The following PCDH9 variants were observed in gnomAD, a reference collection of about 807,000 sequenced individuals.
PCDH9 encodes protocadherin 9.
Under a neutral mutation model 70.6 loss-of-function variants are expected in PCDH9, and 24 were observed. The observed-to-expected ratio is 0.34, with a 90% CI of 0.25 to 0.48. PCDH9 has a LOEUF of 0.48. Among genes scored for constraint, PCDH9 ranks in the 20% least tolerant of loss-of-function variants. PCDH9 has a pLI of 0.99. For synonymous variants in PCDH9, 562 were observed against 558.5 expected (o/e 1.01, Z -0.09); for missense variants, 1,281 against 1,503.6 (o/e 0.85, Z 2.45).
intron 2 of PCDH9, among the ~76,000 whole-genome samples, chr13:67,061,483 G>A (rs1034072175): frequency 1.3e-5 from 2 of 151,930 alleles, no homozygotes; most frequent in Admixed American, 6.6e-5. Context: ...TAGAAGCTAT[G>A]GTTTGAAAAC....
Position 66,351,229 on chromosome 13 carries a change from C to T in PCDH9, c.3341-46201G>A, listed in dbSNP as rs1956286882. ...TCCAAGTTTTGGCAGATGAGCCCAG[C>T]CTGGCTAGGTGTATCTTGGGCAAGT... is the stretch of plus-strand genomic sequence containing the variant. On this transcript the variant is annotated intron_variant, in intron 4 of 4. Coordinates refer to ENST00000377865, the MANE Select transcript of PCDH9 (RefSeq NM_203487.3). Among the ~76,000 whole-genome samples, 5 of 152,024 alleles carry T rather than the reference C, an allele frequency of 3.3e-5. No homozygotes were observed. In the East Asian group the frequency reaches 7.7e-4, roughly 24 times the overall value.
intron 3 of PCDH9, among the ~76,000 whole-genome samples, chr13:66,704,054 T>G (rs1385932442): frequency 6.6e-6 from 1 of 152,228 alleles, no homozygotes; most frequent in Non-Finnish European, 1.5e-5. Context: ...TTACCAATAC[T>G]AAAAGTGCTT....
chr13:66,483,936 C>G (rs1442135228), intron 4 of PCDH9, among the ~76,000 whole-genome samples: 1 of 152,050 alleles, frequency 6.6e-6, no homozygotes, highest in Non-Finnish European at 1.5e-5. Flanking sequence ...GTATGGCAAT[C>G]GGACATCGAG....
intron 3 of PCDH9, among the ~76,000 whole-genome samples, chr13:66,673,179 G>A (rs553415028): frequency 5.9e-5 from 9 of 152,206 alleles, no homozygotes; most frequent in Admixed American, 3.3e-4. Context: ...CCTGGTGGAC[G>A]GTAATTGAAT....
At chr13:66,810,253 G>A (rs989710134) in intron 3 of PCDH9, among the ~76,000 whole-genome samples, 9 of 151,988 alleles carry the variant, frequency 5.9e-5, no homozygotes. Flanking sequence ...AAAGCAGAGT[G>A]TTAGTATAAA....
At chr13:66,658,981 A>T (rs959108374) in intron 3 of PCDH9, among the ~76,000 whole-genome samples, 5 of 152,138 alleles carry the variant, frequency 3.3e-5, no homozygotes, top group African/African-American at 1.2e-4. Flanking sequence ...GCCTCCTCCA[A>T]GTCATATTTT....
chr13:66,594,414 C>T (rs2077076243), intron 4 of PCDH9, among the ~76,000 whole-genome samples: 1 of 151,606 alleles, frequency 6.6e-6, no homozygotes, highest in African/African-American at 2.4e-5. Flanking sequence ...TTGATGAGCC[C>T]AGATTATAAT....
chr13:66,340,323 G>A (rs1956104688), intron 4 of PCDH9, among the ~76,000 whole-genome samples: 1 of 152,140 alleles, frequency 6.6e-6, no homozygotes, highest in Non-Finnish European at 1.5e-5. Context: ...GATTTGGGAG[G>A]CACAAAAGAA....
intron 4 of PCDH9, among the ~76,000 whole-genome samples, chr13:66,579,707 A>G (rs184825553): frequency 1.5e-4 from 23 of 152,208 alleles, no homozygotes; most frequent in Admixed American, 1.3e-3. Flanking sequence ...TTGATTGTCT[A>G]AATGAGTATA....
At chr13:66,549,561 G>A (rs1174965319) in intron 4 of PCDH9, among the ~76,000 whole-genome samples, 1 of 151,580 alleles carries the variant, frequency 6.6e-6, no homozygotes, top group East Asian at 1.9e-4. Flanking sequence ...TTTTGGACTG[G>A]GTCCAGGGCA....
At chr13:67,003,794 G>A (rs1249747873) in intron 2 of PCDH9, among the ~76,000 whole-genome samples, 1 of 152,244 alleles carries the variant, frequency 6.6e-6, no homozygotes, top group Non-Finnish European at 1.5e-5. Context: ...CGCTTTACAG[G>A]AACGCTTTTA....
intron 2 of PCDH9, among the ~76,000 whole-genome samples, chr13:67,105,017 T>C (rs1212939965): frequency 1.3e-5 from 2 of 152,074 alleles, no homozygotes; most frequent in Non-Finnish European, 2.9e-5. Flanking sequence ...TCAAATCTTC[T>C]CCCTTCGCTA....
chr13:66,677,829 T>C (rs572371858), intron 3 of PCDH9, among the ~76,000 whole-genome samples: 70 of 152,246 alleles, frequency 4.6e-4, no homozygotes, highest in African/African-American at 1.7e-3. Flanking sequence ...GTCTCAGATA[T>C]TTCTTTATAG....
intron 2 of PCDH9, among the ~76,000 whole-genome samples, chr13:67,106,550 G>C (rs912561956): frequency 4.6e-5 from 7 of 152,182 alleles, no homozygotes; most frequent in African/African-American, 4.8e-5. Context: ...ATCAATGACA[G>C]CAGCAGCCCA....
chr13:66,885,860 A>T (rs1207249775), intron 3 of PCDH9: 1 of 152,138 alleles, frequency 6.6e-6, no homozygotes, highest in African/African-American at 2.4e-5. Flanking sequence ...TTCTCACGAA[A>T]CTGTTTTCTT....
At chr13:67,004,914 A>G (rs6562480) in intron 2 of PCDH9, among the ~76,000 whole-genome samples, 151,081 of 152,226 alleles carry the variant, frequency 0.99, 74,985 homozygotes, top group East Asian at 1. Flanking sequence ...AGCAATCTTT[A>G]AATTTTTCTC....
chr13:66,589,241 C>G (rs573253746), intron 4 of PCDH9, among the ~76,000 whole-genome samples: 2 of 152,122 alleles, frequency 1.3e-5, no homozygotes, highest in East Asian at 3.9e-4. Context: ...TGAAAGAAAG[C>G]AATCATCTCT....
intron 2 of PCDH9, among the ~76,000 whole-genome samples, chr13:67,074,682 A>C (rs1182557035): frequency 1.3e-5 from 2 of 152,164 alleles, no homozygotes; most frequent in African/African-American, 4.8e-5. Flanking sequence ...CAAGTGTAAA[A>C]ATATAAAAGT....
At chr13:66,916,872 GA>G (rs2082566639) in intron 2 of PCDH9, among the ~76,000 whole-genome samples, 2 of 151,492 alleles carry the variant, frequency 1.3e-5, no homozygotes, top group South Asian at 2.1e-4. Flanking sequence ...GAAGCTTAAC[GA>G]AGGAAGGAAA....
Sources: gnomAD v4.1 joint callset for allele counts (sites outside exome capture counted in the v4.1 genomes callset) on GRCh38, gnomAD v4.1.1 for gene constraint, MANE v1.5 for transcripts, NCBI Gene and HGNC (gene_info 2026-07-23, HGNC 2026-07-21) for gene names.